Variants in ITFG1 observed in about 807,000 individuals in gnomAD.
ITFG1 encodes T-cell immunomodulatory protein.
A neutral mutation model predicts 81.8 loss-of-function variants in ITFG1; 34 were observed. The ratio of observed to expected loss-of-function variants is 0.42; its 90% CI spans 0.32 to 0.55. The LOEUF is 0.55. Ranked by LOEUF, ITFG1 falls within the 20% of genes least tolerant of loss-of-function variation. ITFG1 has a pLI of 0.17. For synonymous variants in ITFG1, 285 were observed against 270.6 expected (o/e 1.05, Z -0.52); for missense variants, 672 against 755.4 (o/e 0.89, Z 1.29).
At chr16:47,240,917 G>A (rs939963168) in intron 12 of ITFG1, among the ~76,000 whole-genome samples, 2 of 152,108 alleles carry the variant, frequency 1.3e-5, no homozygotes, top group Non-Finnish European at 2.9e-5. Context: ...TGGGTATAGA[G>A]TTTCAGCTTT....
chr16:47,448,060 T>C (rs561076093), intron 5 of ITFG1: 2 of 152,300 alleles, frequency 1.3e-5, no homozygotes, highest in East Asian at 3.9e-4. Flanking sequence ...CTTTTTTTGT[T>C]ATGGGTATTA....
intron 8 of ITFG1, among the ~76,000 whole-genome samples, chr16:47,347,176 G>T (rs1193485044): frequency 6.6e-6 from 1 of 152,220 alleles, no homozygotes; most frequent in Admixed American, 6.5e-5. Flanking sequence ...TCATCTCACT[G>T]GGGCTTGTCG....
At chr16:47,280,482 T>A (rs572921379) in intron 10 of ITFG1, among the ~76,000 whole-genome samples, 10 of 152,302 alleles carry the variant, frequency 6.6e-5, no homozygotes, top group African/African-American at 2.2e-4. Context: ...TTTTGATATA[T>A]TGCTGGGATT....
At position 47,386,679 on chromosome 16, in the gene ITFG1, T is replaced by C. The variant is rs556320619; in HGVS notation, c.656-10739A>G. ...ATCAGAAGCTACCACTCCAATGCAG[T>C]GTTCTGATCCTAAAGCAGGGATGCC... is the stretch of plus-strand genomic sequence containing the variant. On this transcript the variant is annotated intron_variant, in intron 6 of 17. Coordinates refer to ENST00000320640, the MANE Select transcript of ITFG1 (RefSeq NM_030790.5). 5.3e-5 allele frequency among the ~76,000 whole-genome samples: 8 copies of C among 152,320 alleles called. No individual in the cohort carries two copies. The East Asian group carries it at 1.5e-3, about 29-fold the overall frequency.
At chr16:47,441,233 C>T (rs1464913349) in intron 5 of ITFG1, among the ~76,000 whole-genome samples, 2 of 152,134 alleles carry the variant, frequency 1.3e-5, no homozygotes, top group Non-Finnish European at 2.9e-5. Flanking sequence ...GATTCACAGC[C>T]AAATTCTACC....
At chr16:47,187,920 AAAAC>A (rs1399284004) in intron 14 of ITFG1, among the ~76,000 whole-genome samples, 2 of 151,968 alleles carry the variant, frequency 1.3e-5, no homozygotes, top group Non-Finnish European at 1.5e-5. Context: ...TTACAAGAAA[AAAAC>A]AAACAACCAC....
intron 12 of ITFG1, among the ~76,000 whole-genome samples, chr16:47,247,169 T>A (rs2151537418): frequency 6.6e-6 from 1 of 152,298 alleles, no homozygotes; most frequent in South Asian, 2.1e-4. Context: ...TTTGAAAATG[T>A]CTGAAAAACA....
At chr16:47,242,764 G>A (rs1965949411) in intron 12 of ITFG1, among the ~76,000 whole-genome samples, 1 of 152,074 alleles carries the variant, frequency 6.6e-6, no homozygotes, top group African/African-American at 2.4e-5. Flanking sequence ...AGGGACATCT[G>A]TTAAAAAATA....
chr16:47,426,389 G>A (rs1969021589), intron 6 of ITFG1: 1 of 151,454 alleles, frequency 6.6e-6, no homozygotes, highest in Admixed American at 6.6e-5. Context: ...GGATGTGTGT[G>A]TATAACAAAA....
intron 2 of ITFG1, among the ~76,000 whole-genome samples, chr16:47,457,126 A>G (rs931338904): frequency 6.6e-6 from 1 of 152,162 alleles, no homozygotes; most frequent in African/African-American, 2.4e-5. Context: ...CCTGGCCAAC[A>G]TGGTGAAATC....
At chr16:47,399,183 A>G (rs1968628364) in intron 6 of ITFG1, among the ~76,000 whole-genome samples, 1 of 152,254 alleles carries the variant, frequency 6.6e-6, no homozygotes, top group South Asian at 2.1e-4. Context: ...GGATTCTACT[A>G]AGCGAATTTT....
intron 6 of ITFG1, among the ~76,000 whole-genome samples, chr16:47,379,673 G>A (rs531993010): frequency 1.3e-5 from 2 of 148,470 alleles, no homozygotes; most frequent in African/African-American, 2.5e-5. Flanking sequence ...TGACAAGGGC[G>A]AGATTATTCC....
At chr16:47,373,823 T>C (rs1252129975) in intron 7 of ITFG1, among the ~76,000 whole-genome samples, 2 of 152,236 alleles carry the variant, frequency 1.3e-5, no homozygotes, top group East Asian at 3.8e-4. Context: ...TTCTACTGGC[T>C]AATGTGGTTT....
At chr16:47,355,211 C>A (rs934637400) in intron 8 of ITFG1, among the ~76,000 whole-genome samples, 1 of 151,814 alleles carries the variant, frequency 6.6e-6, no homozygotes, top group Admixed American at 6.6e-5. Context: ...TGTTCAGACA[C>A]GAAAAGGAAT....
chr16:47,304,865 T>C (rs1363862002), intron 10 of ITFG1, among the ~76,000 whole-genome samples: 1 of 152,176 alleles, frequency 6.6e-6, no homozygotes, highest in East Asian at 1.9e-4. Context: ...TGGCCACTAT[T>C]CTTGTAAAAA....
At chr16:47,287,287 G>T (rs1286485812) in intron 10 of ITFG1, among the ~76,000 whole-genome samples, 2 of 151,958 alleles carry the variant, frequency 1.3e-5, no homozygotes, top group Non-Finnish European at 2.9e-5. Context: ...TTGCTCTATT[G>T]CCCGGACTGG....
chr16:47,189,030 C>T (rs1965260886), intron 14 of ITFG1, among the ~76,000 whole-genome samples: 1 of 152,178 alleles, frequency 6.6e-6, no homozygotes, highest in South Asian at 2.1e-4. Flanking sequence ...TTCTAAAGTG[C>T]TGGGATTACA....
In ITFG1 at chr16:47,375,955, A is replaced by C. The variant is rs1968318812; in HGVS notation, c.656-15T>G. 1 of 1,561,750 alleles carries C rather than the reference A, an allele frequency of 6.4e-7. No individual in the cohort carries two copies. Among genetic ancestry groups the C allele is most frequent in the East Asian group, 2.2e-5 (1 of 44,478 alleles). ...CAGGAATAAATCTAGAAGGAAAAATAATAAAAACGTAAAGTTTTGTAGTCT... is the reference window on the plus strand; with the variant it reads ...CAGGAATAAATCTAGAAGGAAAAATCATAAAAACGTAAAGTTTTGTAGTCT... On this transcript the variant is annotated splice_polypyrimidine_tract_variant and intron_variant, in intron 6 of 17. Coordinates refer to ENST00000320640, the MANE Select transcript of ITFG1 (RefSeq NM_030790.5).
At chr16:47,213,005 G>A (rs930840735) in intron 14 of ITFG1, among the ~76,000 whole-genome samples, 3 of 152,108 alleles carry the variant, frequency 2.0e-5, no homozygotes, top group African/African-American at 7.2e-5. Context: ...TTATTAATCT[G>A]AGACTTACTC....
Sources: gnomAD v4.1 joint callset for allele counts (sites outside exome capture counted in the v4.1 genomes callset) on GRCh38, gnomAD v4.1.1 for gene constraint, MANE v1.5 for transcripts, NCBI Gene and HGNC (gene_info 2026-07-23, HGNC 2026-07-21) for gene names.